Variants in ATN1 observed in about 807,000 individuals in gnomAD.
ATN1 encodes the protein atrophin-1.
A neutral mutation model predicts 85.8 loss-of-function variants in ATN1; 19 were observed. The observed-to-expected ratio is 0.22, with a 90% CI of 0.15 to 0.32. ATN1 has a LOEUF of 0.32. Among genes scored for constraint, ATN1 ranks in the 10% least tolerant of loss-of-function variants. The pLI, the probability that ATN1 is intolerant of heterozygous loss-of-function variation, is 1.00. For missense variants in ATN1, 1,453 were observed against 1,564.5 expected (o/e 0.93, Z 1.20); for synonymous variants, 674 against 657.0 (o/e 1.03, Z -0.39).
chr12:6,939,025 T>A lies in ATN1; in HGVS notation c.3062T>A (p.Leu1021Gln). 2 of 1,610,576 alleles carry A rather than the reference T, an allele frequency of 1.2e-6. No homozygotes were observed. Among genetic ancestry groups the A allele is most frequent in the Non-Finnish European group, 1.7e-6 (2 of 1,179,996 alleles). The stretch of plus-strand genomic sequence containing the variant: ...CCTGACATGTCCTATGCTGAGCGGC[T>A]GGCAGCTGAGAGGCAGCACGCAGAA... ...LRPDMSYAER[L>Q]AAERQHAERV... is the part of the protein sequence containing the mutation. Residue 1021 changes from leucine (L) to glutamine (Q), a missense_variant, in exon 7 of 10, where the codon CTG becomes CAG. Coordinates refer to ENST00000396684, the MANE Select transcript of ATN1 (RefSeq NM_001940.4).
chr12:6,934,098 G>T lies in ATN1; in HGVS notation c.27+70G>T. The T allele has an allele frequency of 6.2e-7, 1 of 1,613,470 alleles. No individual in the cohort carries two copies. Among genetic ancestry groups the T allele is most frequent in the Non-Finnish European group, 8.5e-7 (1 of 1,179,612 alleles). Reference sequence around the variant, plus strand: ...AAGCTAGGAGGAAGGGTCTAGAGAAGAAGAACAAATAATGTGCACCATAAA... The same window carrying T: ...AAGCTAGGAGGAAGGGTCTAGAGAATAAGAACAAATAATGTGCACCATAAA... On this transcript the variant is annotated intron_variant, in intron 2 of 9. Transcript: ENST00000396684. The surrounding 1 kb of genome is among the most constrained non-coding windows in gnomAD (Gnocchi z 4.5).
chr12:6,934,365 G>A lies in ATN1; in HGVS notation c.165+52G>A. ...GGATGCCCAAGGCACTGGGGCTGAG[G>A]GTGTGTGTGTGTTGTGGGGGAACTT... On this transcript the variant is annotated intron_variant, in intron 3 of 9. Coordinates refer to ENST00000396684, the MANE Select transcript of ATN1 (RefSeq NM_001940.4). The surrounding 1 kb of genome is among the most constrained non-coding windows in gnomAD (Gnocchi z 4.5). 2 of 1,592,334 alleles carry A rather than the reference G, an allele frequency of 1.3e-6. No individual in the cohort carries two copies. The highest frequency in any genetic ancestry group is 1.1e-5 in the South Asian group (1 of 88,054).
chr12:6,939,890 T>C (rs1377074697), intron 7 of ATN1, among the ~76,000 whole-genome samples: 1 of 152,270 alleles, frequency 6.6e-6, no homozygotes, highest in Admixed American at 6.5e-5. Flanking sequence ...TTCATGTTTT[T>C]CCCCATCTCT....
At chr12:6,933,189 A>G (rs781895337) in intron 1 of ATN1, among the ~76,000 whole-genome samples, 118 of 152,250 alleles carry the variant, frequency 7.8e-4, no homozygotes, top group South Asian at 1.5e-3. Flanking sequence ...AAGGTATTCA[A>G]TAAATTCATA....
upstream of ATN1, among the ~76,000 whole-genome samples, chr12:6,926,290 T>C (rs2138196191): frequency 6.6e-6 from 1 of 152,202 alleles, no homozygotes; most frequent in East Asian, 1.9e-4. Context: ...ACCCAGGGGA[T>C]CTTTAGTGAT....
At position 6,933,876 on chromosome 12, in the gene ATN1, G is replaced by A; in HGVS notation, c.-126G>A. 8.9e-7 allele frequency: 1 copy of A among 1,129,920 alleles called. No homozygotes were observed. The highest frequency in any genetic ancestry group is 1.3e-6 in the Non-Finnish European group (1 of 776,860). 70.0% of individuals were successfully genotyped at this position (1,129,920 alleles called of 1,614,324 possible). ...AACAGATCCTGCAAAAGTTCCAGGT[G>A]CCCACACTGGAAACTTGGAGATCCT... On this transcript the variant is annotated 5_prime_UTR_variant, in exon 2 of 10. Transcript: ENST00000396684.
upstream of ATN1, among the ~76,000 whole-genome samples, chr12:6,927,395 A>G (rs1451837527): frequency 6.6e-6 from 1 of 150,478 alleles, no homozygotes; most frequent in Non-Finnish European, 1.5e-5. Context: ...CATCTTTCCA[A>G]TCCAATCCCA....
At chr12:6,932,178 C>T (rs1945474918) in intron 1 of ATN1, among the ~76,000 whole-genome samples, 1 of 151,964 alleles carries the variant, frequency 6.6e-6, no homozygotes, top group South Asian at 2.1e-4. Context: ...TCACCCCTTA[C>T]TGCCTGCATC....
At chr12:6,926,173 TGTG>T (rs1555142574), upstream of ATN1, among the ~76,000 whole-genome samples, 1 of 152,102 alleles carries the variant, frequency 6.6e-6, no homozygotes, top group African/African-American at 2.4e-5. Flanking sequence ...GCCTGCAGTC[TGTG>T]GTGGGGACTG....
Position 6,941,326 on chromosome 12 carries a change from G to C in ATN1, c.3359-48G>C. The stretch of plus-strand genomic sequence containing the variant: ...CTGGCTATCCCCTGGTCCAGAGCAG[G>C]TACTTGTTATCCGTTGGTCATATGC... On this transcript the variant is annotated intron_variant, in intron 8 of 9. Transcript: ENST00000396684. This position sits in a 1 kb window ranked among gnomAD's most constrained non-coding sequence, Gnocchi z 5.9. 2 of 1,543,248 alleles carry C rather than the reference G, an allele frequency of 1.3e-6. No individual in the cohort carries two copies. The highest frequency in any genetic ancestry group is 1.7e-6 in the Non-Finnish European group (2 of 1,145,630).
In ATN1 at chr12:6,941,873, C is replaced by A; in HGVS notation, c.*93C>A. Reference sequence around the variant, plus strand: ...CGTGCCCTTGGCCTGCCACCCAGAGCCAAGAGGGTGCTGCTCAGTTGCAGG... The same window carrying A: ...CGTGCCCTTGGCCTGCCACCCAGAGACAAGAGGGTGCTGCTCAGTTGCAGG... On this transcript the variant is annotated 3_prime_UTR_variant, in exon 10 of 10. Transcript: ENST00000396684. This position sits in a 1 kb window ranked among gnomAD's most constrained non-coding sequence, Gnocchi z 5.9. 1 of 1,319,116 alleles carries A rather than the reference C, an allele frequency of 7.6e-7. No homozygotes were observed. The allele number at this position is 1,319,116 out of a possible 1,614,324, so 81.7% of individuals were successfully genotyped here.
Position 6,936,163 on chromosome 12 carries a change from C to A in ATN1, c.896C>A (p.Pro299Gln). The stretch of plus-strand genomic sequence containing the variant: ...CCAGCCAACTTCCCCCATGTGACAC[C>A]GAACCTGCCTCCCCCACCTGCCCTG... The part of the protein sequence containing the change: ...PPPANFPHVT[P>Q]NLPPPPALRP... The change falls in exon 5 of 10, where the codon CCG becomes CAG. Residue 299 changes from proline to glutamine, a missense_variant. Physicochemically the swap from Pro to Gln is moderately conservative, Grantham distance 76. This residue lies in a region of ATN1 where 990 missense variants were observed against 914.8 expected (regional missense o/e 1.08). Coordinates refer to ENST00000396684, the MANE Select transcript of ATN1 (RefSeq NM_001940.4). 1 of 1,540,958 alleles carries A rather than the reference C, an allele frequency of 6.5e-7. No individual in the cohort carries two copies. The highest frequency in any genetic ancestry group is 2.3e-5 in the East Asian group (1 of 44,318).
At chr12:6,927,568 C>A (rs1945410505), upstream of ATN1, among the ~76,000 whole-genome samples, 3 of 150,596 alleles carry the variant, frequency 2.0e-5, no homozygotes, top group African/African-American at 7.4e-5. Context: ...CCCCACATTC[C>A]GCCACGGCTA....
In ATN1 at chr12:6,937,322, C is replaced by T; in HGVS notation, c.2055C>T (p.Phe685=). The T allele has an allele frequency of 1.3e-6, 2 of 1,568,756 alleles. No homozygotes were observed. The highest frequency in any genetic ancestry group is 1.7e-6 in the Non-Finnish European group (2 of 1,158,572). The change falls in exon 5 of 10, where the codon TTC becomes TTT. Residue 685 remains phenylalanine (F), a synonymous_variant. Transcript: ENST00000396684. This position sits in a 1 kb window ranked among gnomAD's most constrained non-coding sequence, Gnocchi z 6.0. Reference sequence around the variant, plus strand: ...CGCCACCTGCAGGCCCAGGGACCTTCAAGCCGGGCTCGCCCACCGTGGGAC... The same window carrying T: ...CGCCACCTGCAGGCCCAGGGACCTTTAAGCCGGGCTCGCCCACCGTGGGAC... The part of the protein sequence containing the change: ...GTSPPAGPGT[F]KPGSPTVGPG...
At chr12:6,927,640 C>T (rs1303464061), upstream of ATN1, among the ~76,000 whole-genome samples, 1 of 151,602 alleles carries the variant, frequency 6.6e-6, no homozygotes, top group Non-Finnish European at 1.5e-5. Flanking sequence ...GCGCCTCCCC[C>T]TCTCCGGCTC....
rs782378860 is a variant in ATN1 at position 6,936,120 on chromosome 12, C to G, written c.853C>G (p.Leu285Val). Residue 285 changes from leucine to valine, a missense_variant, in exon 5 of 10, where the codon CTA becomes GTA. By Grantham distance (32) the Leu-to-Val change is conservative. Transcript: ENST00000396684. ...TACCACTCCAGTGGGTGGTGGGAAC[C>G]TACCTTCTGCTCCACCACCAGCCAA... ...PPTTPVGGGN[L>V]PSAPPPANFP... 2.3e-5 allele frequency: 35 copies of G among 1,530,114 alleles called. No individual in the cohort carries two copies. The East Asian group carries it at 7.9e-4, about 35-fold the overall frequency. 94.8% of individuals were successfully genotyped at this position (1,530,114 alleles called of 1,614,324 possible). A position where few individuals can be genotyped will look rare whatever the true frequency, so the allele number is the denominator to read the frequency against.
upstream of ATN1, among the ~76,000 whole-genome samples, chr12:6,926,457 C>T (rs1484768000): frequency 3.3e-5 from 5 of 151,422 alleles, no homozygotes; most frequent in African/African-American, 1.2e-4. Context: ...CTTTAACTGC[C>T]CTCGTTTCCC....
At chr12:6,940,160 T>G (rs962323990) in intron 7 of ATN1, among the ~76,000 whole-genome samples, 27 of 152,020 alleles carry the variant, frequency 1.8e-4, no homozygotes, top group African/African-American at 6.3e-4. Flanking sequence ...TACAGCTAAT[T>G]TTTGTATTTT....
chr12:6,929,806 T>C lies in ATN1; in HGVS notation c.-163+1422T>C, dbSNP rs782396087. On this transcript the variant is annotated intron_variant, in intron 1 of 9. Coordinates refer to ENST00000396684, the MANE Select transcript of ATN1 (RefSeq NM_001940.4). ...GTTACACCATCTTTTGGCAGTTGGTTCTGACCTCTACCTCCCTTATTATGT... is the reference window on the plus strand; with the variant it reads ...GTTACACCATCTTTTGGCAGTTGGTCCTGACCTCTACCTCCCTTATTATGT... Among the ~76,000 whole-genome samples, 3 of 152,382 alleles carry C rather than the reference T, an allele frequency of 2.0e-5. No individual in the cohort carries two copies. In the South Asian group the frequency reaches 6.2e-4, roughly 32 times the overall value.
Sources: allele counts gnomAD v4.1 joint callset (sites outside exome capture counted in the v4.1 genomes callset), GRCh38; gene constraint gnomAD v4.1.1; regional missense constraint gnomAD v4.1.1; non-coding constraint Gnocchi (gnomAD v3.1); transcripts MANE v1.5; gene names NCBI Gene and HGNC (gene_info 2026-07-23, HGNC 2026-07-21).